Variants in SDK1 observed in about 807,000 individuals in gnomAD.
The protein encoded by SDK1 is sidekick cell adhesion molecule 1, also known as protein sidekick-1.
SDK1 carries 157 observed loss-of-function variants against 245.5 expected under a neutral mutation model. The observed-to-expected ratio is 0.64, with a 90% CI of 0.56 to 0.73. The LOEUF (loss-of-function observed/expected upper bound fraction) is 0.73. Among genes scored for constraint, SDK1 ranks in the 30% least tolerant of loss-of-function variants. The pLI, the probability that SDK1 is intolerant of heterozygous loss-of-function variation, is 0.00. For synonymous variants in SDK1, 1,647 were observed against 1,278.5 expected (o/e 1.29, Z -6.15); for missense variants, 3,583 against 3,002.3 (o/e 1.19, Z -4.52).
At chr7:3,644,821 G>C (rs976677658) in intron 4 of SDK1, among the ~76,000 whole-genome samples, 1 of 149,454 alleles carries the variant, frequency 6.7e-6, no homozygotes, top group Non-Finnish European at 1.5e-5. Context: ...GCGGGGCAGG[G>C]GGTGGCAGGC....
intron 5 of SDK1, among the ~76,000 whole-genome samples, chr7:3,828,286 A>T (rs1779827550): frequency 6.6e-6 from 1 of 152,008 alleles, no homozygotes; most frequent in South Asian, 2.1e-4. Context: ...AAAAACAAAA[A>T]TAATAATAAT....
intron 19 of SDK1, among the ~76,000 whole-genome samples, chr7:4,057,079 C>G (rs935546233): frequency 1.3e-5 from 2 of 152,188 alleles, no homozygotes; most frequent in Non-Finnish European, 2.9e-5. Context: ...GTCAGACTCT[C>G]CCACCCACAG....
At chr7:3,895,357 C>G (rs1159405942) in intron 5 of SDK1, among the ~76,000 whole-genome samples, 1 of 152,212 alleles carries the variant, frequency 6.6e-6, no homozygotes, top group Non-Finnish European at 1.5e-5. Context: ...ATTCCCTAGT[C>G]ACTTCCAGCC....
At chr7:3,918,434 C>G (rs1181737813) in intron 5 of SDK1, among the ~76,000 whole-genome samples, 35 of 152,202 alleles carry the variant, frequency 2.3e-4, no homozygotes, top group Non-Finnish European at 2.9e-5. Flanking sequence ...CGCGAGGCAT[C>G]TAGGTTACAC....
intron 4 of SDK1, among the ~76,000 whole-genome samples, chr7:3,701,776 A>G (rs1200351687): frequency 6.6e-6 from 1 of 152,186 alleles, no homozygotes; most frequent in Non-Finnish European, 1.5e-5. Context: ...AGGGATAGAC[A>G]CATGAATCAA....
intron 1 of SDK1, among the ~76,000 whole-genome samples, chr7:3,398,703 T>A (rs1042028409): frequency 6.6e-6 from 1 of 151,756 alleles, no homozygotes; most frequent in African/African-American, 2.4e-5. Context: ...CAGGAGAACA[T>A]AGTGGGACTT....
At chr7:3,394,024 A>G (rs1295871672) in intron 1 of SDK1, among the ~76,000 whole-genome samples, 5 of 152,158 alleles carry the variant, frequency 3.3e-5, no homozygotes, top group Non-Finnish European at 7.3e-5. Flanking sequence ...TGGGTAAGCC[A>G]TATCTGCATT....
chr7:4,161,714 G>T, intron 31 of SDK1, 72 bp from the exon 32 acceptor site: 1 of 1,251,226 alleles, frequency 8.0e-7, no homozygotes, highest in Non-Finnish European at 1.2e-6. Context: ...TACTCACTGA[G>T]GGTGGCCCTG....
At chr7:3,587,008 G>T (rs1191706888) in intron 1 of SDK1, among the ~76,000 whole-genome samples, 1 of 152,036 alleles carries the variant, frequency 6.6e-6, no homozygotes, top group Non-Finnish European at 1.5e-5. Flanking sequence ...TTGAGGTGGA[G>T]GAGGAGGAGG....
intron 1 of SDK1, among the ~76,000 whole-genome samples, chr7:3,400,593 A>G (rs2128573199): frequency 6.6e-6 from 1 of 152,306 alleles, no homozygotes; most frequent in Non-Finnish European, 1.5e-5. Context: ...ACATAAAACT[A>G]TAAAAAGTAA....
intron 1 of SDK1, among the ~76,000 whole-genome samples, chr7:3,337,136 C>G (rs575262062): frequency 6.6e-6 from 1 of 152,162 alleles, no homozygotes; most frequent in African/African-American, 2.4e-5. Flanking sequence ...TTGAAAGCTG[C>G]TATGATAAAA....
intron 2 of SDK1, among the ~76,000 whole-genome samples, chr7:3,637,484 A>G (rs1052910634): frequency 2.6e-5 from 4 of 152,202 alleles, no homozygotes; most frequent in South Asian, 2.1e-4. Context: ...TGAGAACTCA[A>G]TTACTCTACC....
intron 30 of SDK1, among the ~76,000 whole-genome samples, chr7:4,152,397 A>G (rs1431304669): frequency 4.6e-5 from 7 of 152,200 alleles, no homozygotes; most frequent in Non-Finnish European, 7.3e-5. Flanking sequence ...CTGACTTAAT[A>G]AAGTACACAG....
rs117806748 is a variant in SDK1, at chr7:3,862,907, A to G, written c.847+41324A>G. Among the ~76,000 whole-genome samples, 21 of 152,310 alleles carry G rather than the reference A, an allele frequency of 1.4e-4. No individual in the cohort carries two copies. In the East Asian group the frequency reaches 4.1e-3, roughly 29 times the overall value. On this transcript the variant is annotated intron_variant, in intron 5 of 44. Coordinates refer to ENST00000404826, the MANE Select transcript of SDK1 (RefSeq NM_152744.4). ...CAACCCATATGGATCCCTGGCATGC[A>G]CAGTTCACAATAGGGTTTGTGCTCC...
In SDK1 at chr7:3,897,220, C is replaced by A. The variant is rs144271931; in HGVS notation, c.848-53703C>A. The stretch of plus-strand genomic sequence containing the variant: ...CAATACATAACATAAAATTTAGCAT[C>A]TTCTCCATTTTAAGTCTCCCGTTCA... On this transcript the variant is annotated intron_variant, in intron 5 of 44. Transcript: ENST00000404826. Among the ~76,000 whole-genome samples, 109 of 152,318 alleles carry A rather than the reference C, an allele frequency of 7.2e-4. No homozygotes were observed. In the East Asian group the frequency reaches 0.01, roughly 14 times the overall value.
At chr7:3,967,230 C>T (rs1429203404) in intron 9 of SDK1, 88 bp from the exon 10 acceptor site, 3 of 1,010,288 alleles carry the variant, frequency 3.0e-6, no homozygotes, top group Admixed American at 1.8e-5. Flanking sequence ...GTGATTGGCT[C>T]TCTAAAGCCC....
intron 4 of SDK1, among the ~76,000 whole-genome samples, chr7:3,701,917 G>T (rs963282837): frequency 8.9e-6 from 1 of 111,968 alleles, no homozygotes; most frequent in African/African-American, 3.8e-5. Context: ...GGTTGGACGT[G>T]CATAAGCAAA....
chr7:4,016,144 G>C (rs894235396), intron 16 of SDK1, among the ~76,000 whole-genome samples: 2 of 152,248 alleles, frequency 1.3e-5, no homozygotes, highest in African/African-American at 4.8e-5. Flanking sequence ...GGACCACACA[G>C]GTAATGGACA....
At chr7:3,467,223 C>G (rs939147354) in intron 1 of SDK1, among the ~76,000 whole-genome samples, 4 of 151,888 alleles carry the variant, frequency 2.6e-5, no homozygotes, top group Non-Finnish European at 5.9e-5. Context: ...TATTAAAGCA[C>G]TTTCACATTT....
Sources: allele counts gnomAD v4.1 joint callset (sites outside exome capture counted in the v4.1 genomes callset), GRCh38; gene constraint gnomAD v4.1.1; transcripts MANE v1.5; gene names NCBI Gene and HGNC (gene_info 2026-07-23, HGNC 2026-07-21).